KHDRBS2: variants seen among roughly 807,000 people sequenced by gnomAD.
KHDRBS2 encodes KH domain-containing, RNA-binding, signal transduction-associated protein 2.
A neutral mutation model predicts 44.3 loss-of-function variants in KHDRBS2; 26 were observed. That is an observed-to-expected ratio of 0.59 (90% CI 0.43 to 0.81). KHDRBS2 has a LOEUF of 0.81. Ranked by LOEUF, KHDRBS2 falls within the 40% of genes least tolerant of loss-of-function variation. The pLI, the probability that KHDRBS2 is intolerant of heterozygous loss-of-function variation, is 0.00. For missense variants in KHDRBS2, 476 were observed against 433.1 expected (o/e 1.10, Z -0.88); for synonymous variants, 194 against 151.1 (o/e 1.28, Z -2.08).
chr6:61,982,620 G>A (rs993974068), intron 3 of KHDRBS2, among the ~76,000 whole-genome samples: 5 of 150,486 alleles, frequency 3.3e-5, no homozygotes, highest in African/African-American at 1.2e-4. Context: ...CCAGTGAGCC[G>A]AGATGGTGCC....
intron 4 of KHDRBS2, among the ~76,000 whole-genome samples, chr6:61,955,759 G>A (rs539211181): frequency 6.6e-6 from 1 of 151,620 alleles, no homozygotes; most frequent in Non-Finnish European, 1.5e-5. Flanking sequence ...CAGACAGAGA[G>A]AGAGAATGTA....
the KHDRBS2 span, among the ~76,000 whole-genome samples, chr6:61,631,286 G>T: frequency 8.3e-6 from 1 of 120,234 alleles, no homozygotes; most frequent in African/African-American, 3.3e-5. Flanking sequence ...ATCTTTACAG[G>T]GGACACAGAC....
intron 2 of KHDRBS2, among the ~76,000 whole-genome samples, chr6:62,092,119 T>G (rs1310833187): frequency 2.1e-5 from 3 of 143,704 alleles, no homozygotes; most frequent in Non-Finnish European, 3.1e-5. Flanking sequence ...ATGTCTCCAG[T>G]TTTTTTTTTT....
chr6:61,951,606 T>C (rs1224112295), intron 4 of KHDRBS2, among the ~76,000 whole-genome samples: 2 of 152,052 alleles, frequency 1.3e-5, no homozygotes, highest in African/African-American at 2.4e-5. Flanking sequence ...CTCATGCAGT[T>C]CCTTTAAATC....
At chr6:61,617,233 T>G in the KHDRBS2 span, among the ~76,000 whole-genome samples, 1 of 152,190 alleles carries the variant, frequency 6.6e-6, no homozygotes, top group African/African-American at 2.4e-5. Context: ...TAAACTGTTC[T>G]GTCGCTATAG....
intron 1 of KHDRBS2, among the ~76,000 whole-genome samples, chr6:62,266,439 A>G (rs758719720): frequency 4.6e-5 from 7 of 152,022 alleles, no homozygotes; most frequent in Non-Finnish European, 8.8e-5. Context: ...TAAATATCTT[A>G]GCTCCCTCAC....
intron 4 of KHDRBS2, among the ~76,000 whole-genome samples, chr6:61,946,547 G>A (rs9294689): frequency 0.34 from 52,082 of 151,846 alleles, 9,094 homozygotes; most frequent in Middle Eastern, 0.41. Flanking sequence ...AGTCAAATCC[G>A]GGCAAGAATA....
intron 1 of KHDRBS2, among the ~76,000 whole-genome samples, chr6:62,242,397 T>C (rs1164537728): frequency 2.0e-5 from 3 of 152,144 alleles, no homozygotes; most frequent in Non-Finnish European, 1.5e-5. Context: ...GGACAGGTAA[T>C]TTTTGTTGTG....
chr6:61,945,666 TCTA>T (rs35117058), intron 4 of KHDRBS2, among the ~76,000 whole-genome samples: 47,390 of 151,610 alleles, frequency 0.31, 7,979 homozygotes, highest in Middle Eastern at 0.4. Context: ...TCAATTTTTT[TCTA>T]CTATTTTTAT....
At chr6:62,038,383 G>A (rs547226286) in intron 3 of KHDRBS2, among the ~76,000 whole-genome samples, 1 of 151,670 alleles carries the variant, frequency 6.6e-6, no homozygotes, top group African/African-American at 2.4e-5. Flanking sequence ...ACTAAAGCCA[G>A]AAAACAGTTT....
intron 2 of KHDRBS2, among the ~76,000 whole-genome samples, chr6:62,167,388 T>C (rs572913201): frequency 2.0e-5 from 3 of 151,718 alleles, no homozygotes; most frequent in Admixed American, 6.6e-5. Flanking sequence ...AATGGAAAAA[T>C]AATATTTGAA....
intron 6 of KHDRBS2, among the ~76,000 whole-genome samples, chr6:61,788,753 A>G (rs1307633480): frequency 6.6e-6 from 1 of 151,350 alleles, no homozygotes; most frequent in African/African-American, 2.4e-5. Context: ...AGTTTTACTG[A>G]AACCAAATTG....
chr6:61,594,781 C>T, the KHDRBS2 span, among the ~76,000 whole-genome samples: 6,758 of 152,038 alleles, frequency 0.044, 155 homozygotes, highest in East Asian at 0.087. Flanking sequence ...CTGTAACATC[C>T]CAAAGTAAGT....
Position 61,848,499 on chromosome 6 carries a change from A to ACG in KHDRBS2, c.810+46135_810+46136insCG, listed in dbSNP as rs1187987373. On this transcript the variant is annotated intron_variant, in intron 6 of 8. Coordinates refer to ENST00000281156, the MANE Select transcript of KHDRBS2 (RefSeq NM_152688.4). ...TATATATATATATATATGTATATAT[A>ACG]TATATATATATGTATATATGTATAT... 3.6e-4 allele frequency among the ~76,000 whole-genome samples: 22 copies of ACG among 60,412 alleles called. 1 individual carries two copies. Among genetic ancestry groups the ACG allele is most frequent in the Non-Finnish European group, 5.3e-4 (18 of 34,202 alleles). The allele number at this position is 60,412 out of a possible 152,430, so 39.6% of individuals were successfully genotyped here. A position where few individuals can be genotyped will look rare whatever the true frequency, so the allele number is the denominator to read the frequency against.
chr6:61,607,397 G>T, the KHDRBS2 span, among the ~76,000 whole-genome samples: 5 of 149,802 alleles, frequency 3.3e-5, no homozygotes, highest in African/African-American at 4.9e-5. Context: ...AACATCAAGA[G>T]AAAAAATTAG....
chr6:61,748,969 T>TTTAA (rs1777237759), intron 6 of KHDRBS2, among the ~76,000 whole-genome samples: 1 of 151,434 alleles, frequency 6.6e-6, no homozygotes, highest in Non-Finnish European at 1.5e-5. Flanking sequence ...TTTTAATTTA[T>TTTAA]TTAATTTTCA....
chr6:62,135,702 T>C (rs1294368523), intron 2 of KHDRBS2, among the ~76,000 whole-genome samples: 2 of 151,718 alleles, frequency 1.3e-5, no homozygotes, highest in South Asian at 2.1e-4. Flanking sequence ...TGTGCAAATA[T>C]ACACACACAC....
chr6:61,603,226 G>T, the KHDRBS2 span, among the ~76,000 whole-genome samples: 1 of 152,116 alleles, frequency 6.6e-6, no homozygotes, highest in Non-Finnish European at 1.5e-5. Flanking sequence ...GGCCTTACAG[G>T]TTAGTTCAGG....
intron 1 of KHDRBS2, among the ~76,000 whole-genome samples, chr6:62,238,018 A>G (rs1833975729): frequency 6.7e-6 from 1 of 149,058 alleles, no homozygotes; most frequent in Admixed American, 6.8e-5. Flanking sequence ...GCACCATTGC[A>G]CTCCAGCCTA....
Sources: gnomAD v4.1 joint callset for allele counts (sites outside exome capture counted in the v4.1 genomes callset) on GRCh38, gnomAD v4.1.1 for gene constraint, MANE v1.5 for transcripts, NCBI Gene and HGNC (gene_info 2026-07-23, HGNC 2026-07-21) for gene names.